CACNG5: variants seen among roughly 807,000 people sequenced by gnomAD.
CACNG5 encodes voltage-dependent calcium channel gamma-5 subunit.
Under a neutral mutation model 24.8 loss-of-function variants are expected in CACNG5, and 18 were observed. The ratio of observed to expected loss-of-function variants is 0.73; its 90% CI spans 0.50 to 1.08. The LOEUF (loss-of-function observed/expected upper bound fraction) is 1.08, where lower values mean the gene tolerates loss of function less well. CACNG5 is among the 50% of genes least tolerant of loss of function. CACNG5 has a pLI of 0.00. For synonymous variants in CACNG5, 157 were observed against 149.1 expected, an observed-to-expected ratio of 1.05 and a Z score of -0.39; for missense variants, 349 against 367.9, an observed-to-expected ratio of 0.95 and a Z score of 0.42.
intron 1 of CACNG5, among the ~76,000 whole-genome samples, chr17:66,851,358 A>T (rs1976708026): frequency 1.3e-5 from 2 of 152,234 alleles, no homozygotes; most frequent in South Asian, 4.1e-4. Flanking sequence ...CCCAGAGTAC[A>T]TAGGATTCCC....
At chr17:66,839,229 G>T (rs1005477520) in intron 1 of CACNG5, among the ~76,000 whole-genome samples, 5 of 151,926 alleles carry the variant, frequency 3.3e-5, no homozygotes, top group Admixed American at 3.3e-4. Flanking sequence ...CAAAGTGCTG[G>T]GATTACAGGC....
chr17:66,865,622 T>G (rs1308338379), intron 1 of CACNG5, among the ~76,000 whole-genome samples: 1 of 136,046 alleles, frequency 7.4e-6, no homozygotes, highest in Admixed American at 8.0e-5. Context: ...AAATCAAGTC[T>G]GACAAAATTT....
At chr17:66,849,436 C>A (rs1162894328) in intron 1 of CACNG5, among the ~76,000 whole-genome samples, 1 of 152,198 alleles carries the variant, frequency 6.6e-6, no homozygotes, top group Non-Finnish European at 1.5e-5. Context: ...CCCGGGAGGG[C>A]AGATCCAGCA....
At chr17:66,849,830 G>C (rs1176375439) in intron 1 of CACNG5, among the ~76,000 whole-genome samples, 2 of 152,226 alleles carry the variant, frequency 1.3e-5, no homozygotes, top group Admixed American at 6.5e-5. Flanking sequence ...ACACCTCTGT[G>C]ACGTATCCTT....
intron 1 of CACNG5, among the ~76,000 whole-genome samples, chr17:66,838,152 A>G (rs1056968336): frequency 6.6e-6 from 1 of 151,812 alleles, no homozygotes; most frequent in Admixed American, 6.6e-5. Flanking sequence ...AAAATTGTCA[A>G]TGATAATTTG....
Position 66,890,805 on chromosome 17 carries a change from C to A in CACNG5, c.*5565C>A, listed in dbSNP as rs1253843683. On this transcript the variant is annotated 3_prime_UTR_variant, in exon 6 of 6. Coordinates refer to ENST00000533854, the MANE Select transcript of CACNG5 (RefSeq NM_145811.3). The stretch of plus-strand genomic sequence containing the variant: ...CAGGCTCTATCCCCAGACTCTATAC[C>A]CAACTCTAGAGGCTGTAAGTTTTAC... Among the ~76,000 whole-genome samples, 2 of 152,102 alleles carry A rather than the reference C, an allele frequency of 1.3e-5. No individual in the cohort carries two copies. The highest frequency in any genetic ancestry group is 2.9e-5 in the Non-Finnish European group (2 of 68,018).
rs189657697 is a variant in CACNG5 at position 66,838,107 on chromosome 17, A to G, written c.-104+2857A>G. Among the ~76,000 whole-genome samples the G allele has an allele frequency of 3.3e-5, 5 of 152,116 alleles. No individual in the cohort carries two copies. The East Asian group carries it at 7.8e-4, about 24-fold the overall frequency. On this transcript the variant is annotated intron_variant, in intron 1 of 5. Coordinates refer to ENST00000533854, the MANE Select transcript of CACNG5 (RefSeq NM_145811.3). The stretch of plus-strand genomic sequence containing the variant: ...GTGTTCTATGGGTGGTGCCCTCTGC[A>G]TTAGAAGAGTCTGGCCTGGTCACGC...
intron 3 of CACNG5, 31 bp downstream of exon 3, chr17:66,879,089 A>G (rs374590687): frequency 2.3e-5 from 35 of 1,534,596 alleles, no homozygotes; most frequent in Non-Finnish European, 3.0e-5. Flanking sequence ...AACCTGGGCC[A>G]CTGGCTGGAC....
chr17:66,892,718 A>T lies in CACNG5; in HGVS notation c.*7478A>T, dbSNP rs1389159736. ...TGTGTGAAAACACCGTGTAAACTGT[A>T]AAGTCCTCTTTGGACTAAGTTATTT... On this transcript the variant is annotated 3_prime_UTR_variant, in exon 6 of 6. Coordinates refer to ENST00000533854, the MANE Select transcript of CACNG5 (RefSeq NM_145811.3). Among the ~76,000 whole-genome samples the T allele has an allele frequency of 6.6e-6, 1 of 152,252 alleles. No homozygotes were observed. Among genetic ancestry groups the T allele is most frequent in the East Asian group, 1.9e-4 (1 of 5,208 alleles).
At chr17:66,879,557 G>A (rs774199262) in intron 3 of CACNG5, among the ~76,000 whole-genome samples, 6 of 152,056 alleles carry the variant, frequency 3.9e-5, no homozygotes, top group Non-Finnish European at 5.9e-5. Flanking sequence ...TTCAATAATT[G>A]CAAAAATGAC....
chr17:66,877,577 C>T (rs1239289881), intron 2 of CACNG5, 49 bp downstream of exon 2: 1 of 1,503,466 alleles, frequency 6.7e-7, no homozygotes, highest in South Asian at 1.2e-5. Context: ...ACATCACCTG[C>T]CCCAAGAGGT....
Position 66,886,518 on chromosome 17 carries a change from C to T in CACNG5, c.*1278C>T, listed in dbSNP as rs62071016. Among the ~76,000 whole-genome samples the T allele has an allele frequency of 0.23, 34,919 of 152,142 alleles. 4,539 individuals carry two copies. The highest frequency in any genetic ancestry group is 0.35 in the African/African-American group (14,545 of 41,474). On this transcript the variant is annotated 3_prime_UTR_variant, in exon 6 of 6. Coordinates refer to ENST00000533854, the MANE Select transcript of CACNG5 (RefSeq NM_145811.3). ...CACTGCAAGCCATGCCCCCCTTCAG[C>T]TCTCCAAGTGTCAGCTTAGCTTAGA...
intron 4 of CACNG5, among the ~76,000 whole-genome samples, chr17:66,882,872 A>G (rs374854687): frequency 6.6e-6 from 1 of 152,126 alleles, no homozygotes; most frequent in African/African-American, 2.4e-5. Context: ...TTTCTTGTCA[A>G]CGTAGCTTGG....
chr17:66,880,764 C>T (rs902755528), intron 4 of CACNG5, 67 bp downstream of exon 4: 41 of 1,574,206 alleles, frequency 2.6e-5, no homozygotes, highest in African/African-American at 1.2e-4. Flanking sequence ...GTTTTTGAGA[C>T]AGAGTCTTGC....
chr17:66,878,657 C>T (rs76891912), intron 2 of CACNG5, among the ~76,000 whole-genome samples: 3,204 of 152,286 alleles, frequency 0.021, 56 homozygotes, highest in South Asian at 0.056. Flanking sequence ...TCTGGCCAAA[C>T]GCAGTGAGAT....
rs945426275 is a variant in CACNG5, at chr17:66,843,105, T to C, written c.-104+7855T>C. Among the ~76,000 whole-genome samples, 3 of 152,308 alleles carry C rather than the reference T, an allele frequency of 2.0e-5. No individual in the cohort carries two copies. In the South Asian group the frequency reaches 6.2e-4, roughly 32 times the overall value. ...ACATGTATTGCACTATTTAATGGAA[T>C]CCCCTGCCATAATCTTGGTTGAGGG... is the stretch of plus-strand genomic sequence containing the variant. On this transcript the variant is annotated intron_variant, in intron 1 of 5. Transcript: ENST00000533854.
At chr17:66,865,268 G>GTTTT (rs34773445) in intron 1 of CACNG5, among the ~76,000 whole-genome samples, 1 of 142,292 alleles carries the variant, frequency 7.0e-6, no homozygotes, top group Non-Finnish European at 1.5e-5. Context: ...CTATTTTTAT[G>GTTTT]TTTTTTTTTT....
chr17:66,838,725 A>G (rs1976518567), intron 1 of CACNG5, among the ~76,000 whole-genome samples: 1 of 152,116 alleles, frequency 6.6e-6, no homozygotes, highest in Non-Finnish European at 1.5e-5. Flanking sequence ...CGATGACAAC[A>G]ATGATGATAG....
At chr17:66,880,416 G>A (rs1269145565) in intron 3 of CACNG5, 141 bp from the exon 4 acceptor site, 3 of 936,520 alleles carry the variant, frequency 3.2e-6, no homozygotes, top group South Asian at 3.4e-5. Flanking sequence ...CCACCTGATG[G>A]GGGTAGAGTC....
Sources: gnomAD v4.1 joint callset for allele counts (sites outside exome capture counted in the v4.1 genomes callset) on GRCh38, gnomAD v4.1.1 for gene constraint, MANE v1.5 for transcripts, NCBI Gene and HGNC (gene_info 2026-07-23, HGNC 2026-07-21) for gene names.